Variants in FRMD4B observed in about 807,000 individuals in gnomAD.
FRMD4B encodes the protein FERM domain containing 4B.
A neutral mutation model predicts 141.5 loss-of-function variants in FRMD4B; 74 were observed. That is an observed-to-expected ratio of 0.52 (90% CI 0.43 to 0.63). The LOEUF is 0.63. Ranked by LOEUF, FRMD4B falls within the 30% of genes least tolerant of loss-of-function variation. The pLI is 0.00. For synonymous variants in FRMD4B, 506 were observed against 467.9 expected, an observed-to-expected ratio of 1.08 and a Z score of -1.05; for missense variants, 1,366 against 1,253.4, an observed-to-expected ratio of 1.09 and a Z score of -1.36.
At chr3:69,351,106 C>A (rs1015859199) in intron 1 of FRMD4B, among the ~76,000 whole-genome samples, 2 of 152,108 alleles carry the variant, frequency 1.3e-5, no homozygotes, top group African/African-American at 4.8e-5. Context: ...AAGTATACAG[C>A]AAGCCCAATA....
intron 1 of FRMD4B, among the ~76,000 whole-genome samples, chr3:69,531,934 T>TA (rs1260823993): frequency 6.6e-6 from 1 of 152,222 alleles, no homozygotes; most frequent in South Asian, 2.1e-4. Context: ...AAAGAGCAGC[T>TA]AGACTGGGAA....
chr3:69,251,811 G>A (rs1290398218), intron 5 of FRMD4B, among the ~76,000 whole-genome samples: 1 of 152,232 alleles, frequency 6.6e-6, no homozygotes, highest in African/African-American at 2.4e-5. Flanking sequence ...AGATGATGAG[G>A]CGGTTCATCC....
At chr3:69,353,089 AT>A (rs1341630320) in intron 1 of FRMD4B, among the ~76,000 whole-genome samples, 2 of 95,558 alleles carry the variant, frequency 2.1e-5, no homozygotes, top group African/African-American at 7.0e-5. Context: ...AGTATTTAAA[AT>A]TTAAAAAAAA....
At chr3:69,510,924 T>A (rs1187627235) in intron 1 of FRMD4B, among the ~76,000 whole-genome samples, 1 of 152,252 alleles carries the variant, frequency 6.6e-6, no homozygotes, top group Non-Finnish European at 1.5e-5. Context: ...TACATTCTTA[T>A]AGTTGACCAA....
intron 7 of FRMD4B, among the ~76,000 whole-genome samples, chr3:69,243,970 C>T (rs148052748): frequency 0.034 from 5,192 of 152,168 alleles, 107 homozygotes; most frequent in Middle Eastern, 0.051. Context: ...TGCTTGAACC[C>T]GGGAGGCGGA....
At chr3:69,495,819 G>A (rs1160566853) in intron 1 of FRMD4B, among the ~76,000 whole-genome samples, 1 of 152,140 alleles carries the variant, frequency 6.6e-6, no homozygotes, top group Non-Finnish European at 1.5e-5. Context: ...ATATTTTATT[G>A]TTGTTTGACT....
In FRMD4B at chr3:69,395,782, A is replaced by G. The variant is rs549028087; in HGVS notation, c.-1+36852T>C. Reference sequence around the variant, plus strand: ...GCTACAAGCCTTGAAACCTATGGCTATGTTACACAGTGGAGAAAATAGTTA... The same window carrying G: ...GCTACAAGCCTTGAAACCTATGGCTGTGTTACACAGTGGAGAAAATAGTTA... On this transcript the variant is annotated intron_variant, in intron 2 of 5. Coordinates refer to the FRMD4B transcript ENST00000459638. Among the ~76,000 whole-genome samples the G allele has an allele frequency of 4.6e-5, 7 of 152,330 alleles. No individual in the cohort carries two copies. The East Asian group carries it at 1.3e-3, about 29-fold the overall frequency.
chr3:69,227,017 A>G (rs1030152935), intron 7 of FRMD4B, among the ~76,000 whole-genome samples: 3 of 152,198 alleles, frequency 2.0e-5, no homozygotes, highest in Non-Finnish European at 4.4e-5. Flanking sequence ...TCTAGTGCCT[A>G]AAGAAATAGC....
chr3:69,230,164 G>C lies in FRMD4B; in HGVS notation c.582-5474C>G, dbSNP rs111411335. ...CTAATTTTTTTGTATTTTTAGTAGA[G>C]ATGGGGTTTCACCAAGTTGGCCAGG... On this transcript the variant is annotated intron_variant, in intron 7 of 22. Transcript: ENST00000398540. Among the ~76,000 whole-genome samples, 1,364 of 151,976 alleles carry C rather than the reference G, an allele frequency of 9.0e-3. 15 individuals are homozygous for C. The highest frequency in any genetic ancestry group is 0.031 in the African/African-American group (1,297 of 41,462).
chr3:69,237,360 G>A (rs1239337302), intron 7 of FRMD4B, among the ~76,000 whole-genome samples: 1 of 152,228 alleles, frequency 6.6e-6, no homozygotes, highest in Non-Finnish European at 1.5e-5. Context: ...TTCTTGATCA[G>A]ACCTTAAACC....
At chr3:69,276,563 C>A (rs1251214692) in intron 5 of FRMD4B, among the ~76,000 whole-genome samples, 3 of 152,146 alleles carry the variant, frequency 2.0e-5, no homozygotes, top group East Asian at 3.9e-4. Context: ...TTTAGGTGTA[C>A]CCTTCATTTT....
intron 1 of FRMD4B, among the ~76,000 whole-genome samples, chr3:69,479,955 T>C (rs1026174437): frequency 1.2e-4 from 19 of 152,216 alleles, no homozygotes; most frequent in Non-Finnish European, 2.8e-4. Flanking sequence ...ATTTCATTCA[T>C]TTCATCTTCC....
intron 1 of FRMD4B, among the ~76,000 whole-genome samples, chr3:69,438,083 T>C (rs915274791): frequency 2.7e-5 from 4 of 146,892 alleles, no homozygotes; most frequent in African/African-American, 5.0e-5. Flanking sequence ...TATTATTATC[T>C]ATTATATATA....
chr3:69,344,798 C>T lies in FRMD4B; in HGVS notation c.163-31281G>A, dbSNP rs139938752. 5.9e-5 allele frequency among the ~76,000 whole-genome samples: 9 copies of T among 152,226 alleles called. No individual in the cohort carries two copies. The East Asian group carries it at 7.7e-4, about 13-fold the overall frequency. On this transcript the variant is annotated intron_variant, in intron 1 of 22. Transcript: ENST00000398540. ...CATGTTCCTGAAAGAATAAGTACAA[C>T]GTCTGCAGAATTGTTCAACTGAACT...
intron 2 of FRMD4B, among the ~76,000 whole-genome samples, chr3:69,430,902 T>A (rs185438570): frequency 5.3e-5 from 8 of 152,328 alleles, no homozygotes; most frequent in Non-Finnish European, 1.0e-4. Flanking sequence ...CCATTGTTGA[T>A]GAGAATGACA....
chr3:69,263,856 G>T (rs76273676), intron 5 of FRMD4B, among the ~76,000 whole-genome samples: 6 of 108,776 alleles, frequency 5.5e-5, no homozygotes, highest in African/African-American at 2.2e-4. Flanking sequence ...ACAGAGTCTC[G>T]CTCTGTTGCC....
At chr3:69,173,564 G>T (rs1422051401) in intron 22 of FRMD4B, among the ~76,000 whole-genome samples, 1 of 152,044 alleles carries the variant, frequency 6.6e-6, no homozygotes, top group Non-Finnish European at 1.5e-5. Flanking sequence ...GAATTTTAGA[G>T]CAAATTTATA....
intron 1 of FRMD4B, among the ~76,000 whole-genome samples, chr3:69,538,403 A>T (rs2107174783): frequency 6.6e-6 from 1 of 152,338 alleles, no homozygotes; most frequent in East Asian, 1.9e-4. Context: ...AGACACATGC[A>T]TCCTGTGGCA....
chr3:69,267,443 C>T (rs1231117484), intron 5 of FRMD4B, among the ~76,000 whole-genome samples: 1 of 151,960 alleles, frequency 6.6e-6, no homozygotes, highest in Non-Finnish European at 1.5e-5. Flanking sequence ...ATATTAAACA[C>T]AATTTGTGAA....
Sources: gnomAD v4.1 joint callset for allele counts (sites outside exome capture counted in the v4.1 genomes callset) on GRCh38, gnomAD v4.1.1 for gene constraint, MANE v1.5 for transcripts, NCBI Gene and HGNC (gene_info 2026-07-23, HGNC 2026-07-21) for gene names.